MTA3: variants seen among roughly 807,000 people sequenced by gnomAD.
MTA3 encodes the protein metastasis-associated protein MTA3.
Under a neutral mutation model 83.5 loss-of-function variants are expected in MTA3, and 34 were observed. That is an observed-to-expected ratio of 0.41 (90% CI 0.31 to 0.54). The LOEUF (loss-of-function observed/expected upper bound fraction) is 0.54, where lower values mean the gene tolerates loss of function less well. MTA3 is among the 20% of genes least tolerant of loss of function. MTA3 has a pLI of 0.33. For synonymous variants in MTA3, 303 were observed against 252.7 expected (o/e 1.20, Z -1.89); for missense variants, 761 against 726.4 (o/e 1.05, Z -0.55).
intron 16 of MTA3, among the ~76,000 whole-genome samples, chr2:42,734,352 C>T (rs964562699): frequency 6.7e-6 from 1 of 149,898 alleles, no homozygotes; most frequent in Admixed American, 6.7e-5. Context: ...ATAGCTACTC[C>T]TGCTCTTTTT....
At chr2:42,586,780 T>C (rs2103912448) in intron 3 of MTA3, among the ~76,000 whole-genome samples, 1 of 152,172 alleles carries the variant, frequency 6.6e-6, no homozygotes, top group African/African-American at 2.4e-5. Context: ...ATCCCAGCAC[T>C]TTGGGAGGCT....
Position 42,756,765 on chromosome 2 carries a change from G to A in MTA3, c.*3366G>A. ...TTCTGTCCACCCCTCCTGTTCCTCT[G>A]CACTATGTCTCTGATTTTCCCTGCC... On this transcript the variant is annotated 3_prime_UTR_variant, in exon 17 of 17. Transcript: ENST00000405094. 5.1e-6 allele frequency: 5 copies of A among 985,398 alleles called. No individual in the cohort carries two copies. The highest frequency in any genetic ancestry group is 6.0e-6 in the Non-Finnish European group (5 of 829,954). The allele number at this position is 985,398 out of a possible 1,614,324, so 61.0% of individuals were successfully genotyped here. A position where few individuals can be genotyped will look rare whatever the true frequency, so the allele number is the denominator to read the frequency against.
chr2:42,642,112 C>A (rs984673837), intron 5 of MTA3, among the ~76,000 whole-genome samples: 2 of 152,134 alleles, frequency 1.3e-5, no homozygotes, highest in African/African-American at 4.8e-5. Flanking sequence ...ACTTTTAACT[C>A]TGTGTTCTTG....
At chr2:42,624,177 CT>C (rs1685855218) in intron 4 of MTA3, among the ~76,000 whole-genome samples, 1 of 151,834 alleles carries the variant, frequency 6.6e-6, no homozygotes, top group African/African-American at 2.4e-5. Context: ...TCAGACTTTT[CT>C]TTGTTTAGTA....
rs1212621491 is a variant in MTA3 at position 42,632,528 on chromosome 2, G to A, written c.318-7645G>A. On this transcript the variant is annotated intron_variant, in intron 4 of 16. Coordinates refer to ENST00000405094, the MANE Select transcript of MTA3 (RefSeq NM_001330442.2). ...CAGGAGAGGAGGATCTTTCCAATAG[G>A]TATTGACTTTTTGGAACATTTCACT... Among the ~76,000 whole-genome samples the A allele has an allele frequency of 6.6e-5, 10 of 152,080 alleles. No individual in the cohort carries two copies. The East Asian group carries it at 1.2e-3, about 18-fold the overall frequency.
intron 2 of MTA3, among the ~76,000 whole-genome samples, chr2:42,501,196 C>G (rs979730829): frequency 6.6e-5 from 10 of 152,222 alleles, no homozygotes; most frequent in African/African-American, 2.4e-4. Flanking sequence ...GGGTGGCAAA[C>G]TATGGGAAAG....
chr2:42,666,873 T>C (rs1690275920), intron 8 of MTA3, among the ~76,000 whole-genome samples: 1 of 152,230 alleles, frequency 6.6e-6, no homozygotes, highest in Non-Finnish European at 1.5e-5. Context: ...TAGGTTCTTA[T>C]TGAAATAGGT....
At chr2:42,625,695 C>A (rs1008209049) in intron 4 of MTA3, among the ~76,000 whole-genome samples, 2 of 144,698 alleles carry the variant, frequency 1.4e-5, no homozygotes, top group African/African-American at 5.2e-5. Context: ...TGCAGTGAAC[C>A]GAGATCACGC....
intron 14 of MTA3, 27 bp downstream of exon 14, chr2:42,709,123 TA>T (rs1666379253): frequency 6.4e-7 from 1 of 1,558,012 alleles, no homozygotes; most frequent in East Asian, 2.4e-5. Flanking sequence ...TTCTTAACCT[TA>T]TATGTTGTGC....
rs1670127440 is a variant in MTA3 at position 42,754,802 on chromosome 2, G to A, written c.*1403G>A. The A allele has an allele frequency of 1.0e-6, 1 of 985,412 alleles. No individual in the cohort carries two copies. The highest frequency in any genetic ancestry group is 1.2e-6 in the Non-Finnish European group (1 of 830,000). 61.0% of individuals were successfully genotyped at this position (985,412 alleles called of 1,614,324 possible). On this transcript the variant is annotated 3_prime_UTR_variant, in exon 17 of 17. Transcript: ENST00000405094. ...ACCCTGGGAAGCACGAGGTAACTTG[G>A]TAAGGATAATGATGCTGTAGATGTC...
At chr2:42,594,657 T>C (rs1402671416) in intron 3 of MTA3, among the ~76,000 whole-genome samples, 1 of 139,098 alleles carries the variant, frequency 7.2e-6, no homozygotes, top group East Asian at 2.0e-4. Flanking sequence ...TATATAAATA[T>C]ATATATACAC....
intron 2 of MTA3, among the ~76,000 whole-genome samples, chr2:42,536,494 A>G (rs890015173): frequency 6.6e-6 from 1 of 151,700 alleles, no homozygotes; most frequent in East Asian, 2.0e-4. Context: ...AGGAAAAAGA[A>G]AAAAAGAAAA....
intron 3 of MTA3, among the ~76,000 whole-genome samples, chr2:42,598,422 G>C (rs980156464): frequency 4.6e-5 from 7 of 152,078 alleles, no homozygotes; most frequent in African/African-American, 1.7e-4. Context: ...TCTATATTTA[G>C]GTAGTCCAAA....
At chr2:42,577,130 A>G (rs1679145701) in intron 2 of MTA3, among the ~76,000 whole-genome samples, 1 of 114,020 alleles carries the variant, frequency 8.8e-6, no homozygotes, top group Non-Finnish European at 1.7e-5. Context: ...ATATATATAT[A>G]TATAAAAATG....
intron 3 of MTA3, among the ~76,000 whole-genome samples, chr2:42,593,138 G>A (rs1372826707): frequency 6.7e-6 from 1 of 149,044 alleles, no homozygotes; most frequent in East Asian, 2.0e-4. Flanking sequence ...TGGCAACAGA[G>A]CAAGGCTCTG....
At chr2:42,605,189 CG>C (rs1683111094) in intron 3 of MTA3, among the ~76,000 whole-genome samples, 2 of 142,008 alleles carry the variant, frequency 1.4e-5, no homozygotes, top group Non-Finnish European at 3.1e-5. Flanking sequence ...ACCTCCCGGA[CG>C]GGGCGGCTGG....
intron 15 of MTA3, among the ~76,000 whole-genome samples, chr2:42,722,397 G>A (rs1019066713): frequency 2.6e-5 from 4 of 152,092 alleles, no homozygotes; most frequent in African/African-American, 9.7e-5. Context: ...TCTAGGCTGC[G>A]AGTAATTGAT....
intron 2 of MTA3, among the ~76,000 whole-genome samples, chr2:42,524,631 A>G (rs975554728): frequency 5.3e-5 from 8 of 151,518 alleles, no homozygotes; most frequent in South Asian, 2.1e-4. Flanking sequence ...GCCAGCTGCA[A>G]CCATTATTTG....
intron 2 of MTA3, among the ~76,000 whole-genome samples, chr2:42,529,008 C>G (rs1159847318): frequency 1.3e-5 from 2 of 152,150 alleles, no homozygotes; most frequent in Non-Finnish European, 2.9e-5. Flanking sequence ...AGTTTGTAGC[C>G]TGTTTACACA....
Sources: allele counts gnomAD v4.1 joint callset (sites outside exome capture counted in the v4.1 genomes callset), GRCh38; gene constraint gnomAD v4.1.1; transcripts MANE v1.5; gene names NCBI Gene and HGNC (gene_info 2026-07-23, HGNC 2026-07-21).